The following KDM4C variants were observed in gnomAD, a reference collection of about 807,000 sequenced individuals.
KDM4C encodes the protein lysine demethylase 4C.
KDM4C carries 81 observed loss-of-function variants against 129.3 expected under a neutral mutation model. The observed-to-expected ratio is 0.63, with a 90% CI of 0.52 to 0.75. The LOEUF is 0.75. Ranked by LOEUF, KDM4C falls within the 30% of genes least tolerant of loss-of-function variation. KDM4C has a pLI of 0.00. For missense variants in KDM4C, 1,457 were observed against 1,304.0 expected (o/e 1.12, Z -1.81); for synonymous variants, 573 against 456.1 (o/e 1.26, Z -3.26).
At chr9:7,062,492 A>G (rs1831837428) in intron 17 of KDM4C, among the ~76,000 whole-genome samples, 1 of 151,734 alleles carries the variant, frequency 6.6e-6, no homozygotes, top group Admixed American at 6.6e-5. Context: ...GGCTTAAGTG[A>G]TCTTCCCACT....
chr9:6,925,207 C>T lies in KDM4C; in HGVS notation c.921+31975C>T, dbSNP rs373664068. Reference sequence around the variant, plus strand: ...TCCAGGGCTGTCACTGTTGGCGATACAGCTCATGTGAGAGCTGTGGCAGAG... The same window carrying T: ...TCCAGGGCTGTCACTGTTGGCGATATAGCTCATGTGAGAGCTGTGGCAGAG... On this transcript the variant is annotated intron_variant, in intron 8 of 21. Coordinates refer to ENST00000381309, the MANE Select transcript of KDM4C (RefSeq NM_015061.6). 5.4e-4 allele frequency: 529 copies of T among 985,370 alleles called. 14 individuals carry two copies. In the South Asian group the frequency reaches 0.021, roughly 39 times the overall value. 61.0% of individuals were successfully genotyped at this position (985,370 alleles called of 1,614,324 possible).
At chr9:7,141,315 A>G (rs952390917) in intron 19 of KDM4C, among the ~76,000 whole-genome samples, 3 of 152,174 alleles carry the variant, frequency 2.0e-5, no homozygotes, top group Non-Finnish European at 4.4e-5. Context: ...TCAGGCTGCT[A>G]AAATACAGAC....
At chr9:6,742,882 G>T (rs1040137775) in intron 1 of KDM4C, among the ~76,000 whole-genome samples, 2 of 151,930 alleles carry the variant, frequency 1.3e-5, no homozygotes, top group Non-Finnish European at 2.9e-5. Context: ...CCAAGGTCTG[G>T]GGAGACCCAT....
In KDM4C at chr9:7,100,460, C is replaced by T. The variant is rs548800569; in HGVS notation, c.2425-3225C>T. 2.2e-4 allele frequency among the ~76,000 whole-genome samples: 33 copies of T among 152,232 alleles called. No homozygotes were observed. The East Asian group carries it at 4.4e-3, about 20-fold the overall frequency. ...GTTCAAGCGACTCTCCTGCCTCAGC[C>T]GCCCGAGTAGCTGGGATTACAGGTG... On this transcript the variant is annotated intron_variant, in intron 17 of 21. Coordinates refer to ENST00000381309, the MANE Select transcript of KDM4C (RefSeq NM_015061.6).
At chr9:6,818,085 T>C (rs1184412197) in intron 4 of KDM4C, among the ~76,000 whole-genome samples, 2 of 152,296 alleles carry the variant, frequency 1.3e-5, no homozygotes, top group Admixed American at 6.5e-5. Flanking sequence ...CTTTTTATGA[T>C]TTCCTTTTGG....
At chr9:6,781,866 C>T (rs547072347) in intron 1 of KDM4C, among the ~76,000 whole-genome samples, 16 of 150,818 alleles carry the variant, frequency 1.1e-4, no homozygotes, top group African/African-American at 3.9e-4. Flanking sequence ...TGTGCCCAGG[C>T]TGGCTGGAGT....
chr9:7,023,257 C>T (rs1825202401), intron 15 of KDM4C, among the ~76,000 whole-genome samples: 1 of 152,124 alleles, frequency 6.6e-6, no homozygotes, highest in African/African-American at 2.4e-5. Context: ...GCACTGAAGC[C>T]ATTGGGTCCT....
At chr9:6,893,614 A>T in intron 8 of KDM4C, 1 of 155,488 alleles carries the variant, frequency 6.4e-6, no homozygotes, top group Non-Finnish European at 1.4e-5. Context: ...ACAGCACTTT[A>T]CAGAAGGGAG....
chr9:6,984,306 C>T lies in KDM4C; in HGVS notation c.1256C>T (p.Ala419Val). 2 of 1,614,030 alleles carry T rather than the reference C, an allele frequency of 1.2e-6. No individual in the cohort carries two copies. Among genetic ancestry groups the T allele is most frequent in the South Asian group, 1.1e-5 (1 of 91,082 alleles). The change falls in exon 10 of 22, where the codon GCA becomes GTA. Residue 419 changes from alanine to valine, a missense_variant. By Grantham distance (64) the Ala-to-Val change is moderately conservative (BLOSUM62 0). Transcript: ENST00000381309. ...AAGGTCAGTGAAAAGTCAGAAGCAG[C>T]AGTGAAGCTGAGGAACACAGAAGCA... is the stretch of plus-strand genomic sequence containing the variant. ...DLKVSEKSEA[A>V]VKLRNTEASS...
intron 5 of KDM4C, among the ~76,000 whole-genome samples, chr9:6,874,926 A>G (rs931714206): frequency 2.5e-4 from 38 of 149,316 alleles, no homozygotes; most frequent in African/African-American, 9.6e-4. Flanking sequence ...CCTCATCTCT[A>G]CAGTTAAAAA....
At chr9:6,809,212 A>G (rs571516971) in intron 3 of KDM4C, among the ~76,000 whole-genome samples, 15 of 152,316 alleles carry the variant, frequency 9.8e-5, no homozygotes, top group Non-Finnish European at 1.9e-4. Context: ...GTTGGTATTA[A>G]TAGAGTTTTA....
chr9:6,968,096 A>G lies in KDM4C; in HGVS notation c.922-12829A>G, dbSNP rs114937310. ...TCACTATCAGCGTGAATTTTTAAAA[A>G]TTATGATCTATTAATTATGTTTTAA... is the stretch of plus-strand genomic sequence containing the variant. On this transcript the variant is annotated intron_variant, in intron 8 of 21. Transcript: ENST00000381309. Among the ~76,000 whole-genome samples the G allele has an allele frequency of 7.9e-3, 1,197 of 152,280 alleles. 13 individuals are homozygous for G. Among genetic ancestry groups the G allele is most frequent in the African/African-American group, 0.027 (1,128 of 41,556 alleles).
intron 5 of KDM4C, among the ~76,000 whole-genome samples, 186 bp from the exon 6 acceptor site, chr9:6,879,826 A>G (rs1242295240): frequency 6.6e-6 from 1 of 151,568 alleles, no homozygotes; most frequent in Admixed American, 6.6e-5. Context: ...TTATAGGCAT[A>G]TTTTTTTTCT....
At chr9:6,977,545 T>C (rs16925015) in intron 8 of KDM4C, among the ~76,000 whole-genome samples, 38,348 of 152,028 alleles carry the variant, frequency 0.25, 5,241 homozygotes, top group South Asian at 0.46. Flanking sequence ...CAGTGGAGAA[T>C]GAAGAAGTCA....
intron 1 of KDM4C, among the ~76,000 whole-genome samples, chr9:6,735,902 C>G (rs1817513851): frequency 6.6e-6 from 1 of 152,124 alleles, no homozygotes; most frequent in African/African-American, 2.4e-5. Flanking sequence ...TTGGCACTCC[C>G]TAGAGACTTG....
intron 1 of KDM4C, among the ~76,000 whole-genome samples, chr9:6,730,304 T>G (rs1285892431): frequency 6.6e-6 from 1 of 151,906 alleles, no homozygotes; most frequent in Non-Finnish European, 1.5e-5. Flanking sequence ...AAACTTCAAC[T>G]GAATTAAATT....
intron 11 of KDM4C, among the ~76,000 whole-genome samples, chr9:6,987,487 A>G (rs1395501322): frequency 6.6e-6 from 1 of 152,150 alleles, no homozygotes; most frequent in African/African-American, 2.4e-5. Context: ...TTTTTGATGT[A>G]TCCAGCCTGA....
chr9:6,953,131 A>G (rs1277750004), intron 8 of KDM4C, among the ~76,000 whole-genome samples: 1 of 152,206 alleles, frequency 6.6e-6, no homozygotes, highest in African/African-American at 2.4e-5. Flanking sequence ...AAATAGCTGG[A>G]GTAGGCAGTA....
intron 3 of KDM4C, among the ~76,000 whole-genome samples, chr9:6,809,791 G>C (rs1830804468): frequency 6.6e-6 from 1 of 152,122 alleles, no homozygotes; most frequent in Non-Finnish European, 1.5e-5. Flanking sequence ...TTGAACCCAG[G>C]AGTTCGAGAC....
Sources: gnomAD v4.1 joint callset for allele counts (sites outside exome capture counted in the v4.1 genomes callset) on GRCh38, gnomAD v4.1.1 for gene constraint, MANE v1.5 for transcripts, NCBI Gene and HGNC (gene_info 2026-07-23, HGNC 2026-07-21) for gene names.